The following PIP5K1B variants were observed in gnomAD, a reference collection of about 807,000 sequenced individuals.
The protein encoded by PIP5K1B is phosphatidylinositol 4-phosphate 5-kinase type-1 beta.
Under a neutral mutation model 67.0 loss-of-function variants are expected in PIP5K1B, and 42 were observed. The observed-to-expected ratio is 0.63, with a 90% confidence interval of 0.49 to 0.81. The LOEUF is 0.81. PIP5K1B is among the 30% of genes least tolerant of loss of function. PIP5K1B has a pLI of 0.00. For missense variants in PIP5K1B, 459 were observed against 646.3 expected (o/e 0.71, Z 3.14); for synonymous variants, 214 against 231.4 (o/e 0.92, Z 0.68).
intron 5 of PIP5K1B, among the ~76,000 whole-genome samples, chr9:68,875,295 CAAAAAAAAAAAAAAAA>C (rs147022066): frequency 6.0e-4 from 27 of 44,874 alleles, no homozygotes; most frequent in Admixed American, 1.6e-3. Flanking sequence ...TGGTACTCAG[CAAAAAAAAAAAAAAAA>C]AAAAAAAAAA....
intron 12 of PIP5K1B, 124 bp from the exon 13 acceptor site, chr9:68,934,766 C>A: frequency 3.4e-6 from 2 of 584,744 alleles, no homozygotes; most frequent in Non-Finnish European, 5.3e-6. Flanking sequence ...ATAAAATAAG[C>A]GTCTTGTCTT....
At chr9:68,869,916 C>A (rs1042784603) in intron 5 of PIP5K1B, among the ~76,000 whole-genome samples, 2 of 152,162 alleles carry the variant, frequency 1.3e-5, no homozygotes, top group Admixed American at 1.3e-4. Context: ...GGGTAGAAGA[C>A]AAAGCTGCCA....
At chr9:68,871,421 A>C (rs1179536182) in intron 5 of PIP5K1B, among the ~76,000 whole-genome samples, 1 of 152,222 alleles carries the variant, frequency 6.6e-6, no homozygotes, top group Non-Finnish European at 1.5e-5. Flanking sequence ...TAAATGGGGA[A>C]TTCCAGATGG....
At position 68,827,565 on chromosome 9, in the gene PIP5K1B, G is replaced by C. The variant is rs138146753; in HGVS notation, c.69+4882G>C. Among the ~76,000 whole-genome samples the C allele has an allele frequency of 2.2e-3, 340 of 152,318 alleles. 3 individuals are homozygous for C. Among genetic ancestry groups the C allele is most frequent in the African/African-American group, 7.9e-3 (327 of 41,568 alleles). On this transcript the variant is annotated intron_variant, in intron 4 of 15. Transcript: ENST00000265382. ...TGTAGGGGCTAGTGACAAATGAAAG[G>C]CCTGTGCAAAGCCAGTGGCAGAGCA...
chr9:68,860,505 A>T (rs1823009992), intron 4 of PIP5K1B, among the ~76,000 whole-genome samples: 2 of 152,106 alleles, frequency 1.3e-5, no homozygotes, highest in Non-Finnish European at 2.9e-5. Flanking sequence ...AAGAAATAAA[A>T]TTTTTACCCT....
At chr9:68,719,875 CAT>C (rs1247413483) in intron 1 of PIP5K1B, among the ~76,000 whole-genome samples, 6 of 152,218 alleles carry the variant, frequency 3.9e-5, no homozygotes, top group African/African-American at 1.4e-4. Context: ...GTCTTTTCCA[CAT>C]ATGTCAAAAG....
chr9:68,911,066 G>T lies in PIP5K1B; in HGVS notation c.772-6482G>T, dbSNP rs149327897. On this transcript the variant is annotated intron_variant, in intron 8 of 15. Coordinates refer to ENST00000265382, the MANE Select transcript of PIP5K1B (RefSeq NM_003558.4). ...GGTCAAGCACAGATGTCAGGAATGG[G>T]TTTGTGAGGAAAGAATGGGAAACTG... is the stretch of plus-strand genomic sequence containing the variant. 2.5e-3 allele frequency among the ~76,000 whole-genome samples: 378 copies of T among 152,328 alleles called. 2 individuals carry two copies. Among genetic ancestry groups the T allele is most frequent in the African/African-American group, 8.8e-3 (365 of 41,588 alleles).
In PIP5K1B at chr9:68,948,355, C is replaced by T. The variant is rs112510333; in HGVS notation, c.1502+7565C>T. Among the ~76,000 whole-genome samples the T allele has an allele frequency of 4.6e-5, 7 of 152,134 alleles. No homozygotes were observed. The South Asian group carries it at 8.3e-4, about 18-fold the overall frequency. ...TGCTGAAAAAGTTGGAACCTGGCTG[C>T]GAGTGATGGCTCATGCCTCTAATCC... is the stretch of plus-strand genomic sequence containing the variant. On this transcript the variant is annotated intron_variant, in intron 14 of 15. Transcript: ENST00000265382.
intron 2 of PIP5K1B, among the ~76,000 whole-genome samples, chr9:68,746,074 C>CTT (rs1564103776): frequency 7.9e-6 from 1 of 126,274 alleles, no homozygotes; most frequent in African/African-American, 3.0e-5. Context: ...TTTGTGTTAA[C>CTT]TCTTTTTTTT....
At chr9:68,926,927 C>A (rs1480503135) in intron 12 of PIP5K1B, among the ~76,000 whole-genome samples, 1 of 152,120 alleles carries the variant, frequency 6.6e-6, no homozygotes, top group East Asian at 1.9e-4. Flanking sequence ...TACCCATTAG[C>A]AGTCACTCCC....
At chr9:68,793,045 A>C (rs1020859041) in intron 2 of PIP5K1B, among the ~76,000 whole-genome samples, 1 of 152,158 alleles carries the variant, frequency 6.6e-6, no homozygotes, top group Admixed American at 6.6e-5. Flanking sequence ...AAAATAAGTA[A>C]ATTACTATGT....
At chr9:68,924,401 C>CGAAAAAAA (rs1341716504) in intron 12 of PIP5K1B, among the ~76,000 whole-genome samples, 3 of 86,766 alleles carry the variant, frequency 3.5e-5, no homozygotes, top group Non-Finnish European at 6.6e-5. Context: ...CACTGCGCCT[C>CGAAAAAAA]AAAAAAAAAA....
chr9:69,000,616 T>G (rs1009236306), intron 15 of PIP5K1B, among the ~76,000 whole-genome samples: 1 of 152,170 alleles, frequency 6.6e-6, no homozygotes, highest in African/African-American at 2.4e-5. Flanking sequence ...ACATCACATC[T>G]TCCCCCTGTA....
Position 68,940,799 on chromosome 9 carries a change from T to C in PIP5K1B, c.1502+9T>C, listed in dbSNP as rs1587697009. 3 of 1,612,994 alleles carry C rather than the reference T, an allele frequency of 1.9e-6. No individual in the cohort carries two copies. The highest frequency in any genetic ancestry group is 2.2e-5 in the East Asian group (1 of 44,882). On this transcript the variant is annotated intron_variant, in intron 14 of 15. Transcript: ENST00000265382. The stretch of plus-strand genomic sequence containing the variant: ...ACACTCTATTCAAACAGGTAATACT[T>C]AGTGCAGTCAAATAACCCATCAGGC...
intron 2 of PIP5K1B, among the ~76,000 whole-genome samples, chr9:68,764,301 A>G (rs1830328577): frequency 6.6e-6 from 1 of 151,912 alleles, no homozygotes; most frequent in African/African-American, 2.4e-5. Context: ...TAGTCAGTTC[A>G]ACCCATCCAC....
chr9:68,967,105 A>G (rs1829080273), intron 14 of PIP5K1B, among the ~76,000 whole-genome samples: 2 of 152,220 alleles, frequency 1.3e-5, no homozygotes, highest in Admixed American at 6.5e-5. Flanking sequence ...GGGGTTGGGT[A>G]AAAGTTGTTT....
intron 13 of PIP5K1B, among the ~76,000 whole-genome samples, chr9:68,938,070 T>C (rs150463457): frequency 1.0e-3 from 157 of 152,320 alleles, no homozygotes; most frequent in African/African-American, 3.7e-3. Context: ...AGAATGTATA[T>C]TCTGTTGATT....
intron 1 of PIP5K1B, among the ~76,000 whole-genome samples, chr9:68,733,578 G>A (rs1828560180): frequency 6.7e-6 from 1 of 150,362 alleles, no homozygotes; most frequent in Non-Finnish European, 1.5e-5. Context: ...ACAGACCAAG[G>A]GTTTTTCTCT....
chr9:68,878,911 G>A (rs766290601), intron 6 of PIP5K1B, among the ~76,000 whole-genome samples: 3 of 152,152 alleles, frequency 2.0e-5, no homozygotes, highest in Non-Finnish European at 4.4e-5. Context: ...GTGAAGGGTT[G>A]GAAGGGGCAC....
Sources: gnomAD v4.1 joint callset for allele counts (sites outside exome capture counted in the v4.1 genomes callset) on GRCh38, gnomAD v4.1.1 for gene constraint, MANE v1.5 for transcripts, NCBI Gene and HGNC (gene_info 2026-07-23, HGNC 2026-07-21) for gene names.